The following LINGO2 variants were observed in gnomAD, a reference collection of about 807,000 sequenced individuals.
LINGO2 encodes the protein leucine rich repeat and Ig domain containing 2.
LINGO2 carries 14 observed loss-of-function variants against 30.6 expected under a neutral mutation model. The observed-to-expected ratio is 0.46, with a 90% CI of 0.30 to 0.72. The LOEUF is 0.72. LINGO2 is among the 30% of genes least tolerant of loss of function. The pLI, the probability that LINGO2 is intolerant of heterozygous loss-of-function variation, is 0.07. For synonymous variants in LINGO2, 317 were observed against 288.5 expected, an observed-to-expected ratio of 1.10 and a Z score of -1.00; for missense variants, 729 against 751.7, an observed-to-expected ratio of 0.97 and a Z score of 0.35.
intron 4 of LINGO2, among the ~76,000 whole-genome samples, chr9:28,267,190 C>G (rs563742897): frequency 1.3e-5 from 2 of 152,096 alleles, no homozygotes; most frequent in East Asian, 3.9e-4. Context: ...TTAAAATACT[C>G]CAGAACAATG....
the LINGO2 span, among the ~76,000 whole-genome samples, chr9:28,883,628 G>GTGTATGTATA: frequency 4.1e-4 from 26 of 64,174 alleles, no homozygotes; most frequent in South Asian, 1.3e-3. Context: ...ATGTGTGTGT[G>GTGTATGTATA]TATATATATA....
chr9:28,163,258 T>C (rs1207348608), intron 4 of LINGO2, among the ~76,000 whole-genome samples: 1 of 152,070 alleles, frequency 6.6e-6, no homozygotes, highest in African/African-American at 2.4e-5. Context: ...AAAGAAGGTA[T>C]CAATCGAATC....
At chr9:28,883,616 A>ATGTGTG in the LINGO2 span, among the ~76,000 whole-genome samples, 2 of 16,974 alleles carry the variant, frequency 1.2e-4, no homozygotes, top group African/African-American at 2.4e-4. Context: ...TATATATAAA[A>ATGTGTG]TATGTGTGTG....
intron 2 of LINGO2, among the ~76,000 whole-genome samples, chr9:28,426,582 A>C (rs1039921355): frequency 6.6e-6 from 1 of 152,030 alleles, no homozygotes; most frequent in African/African-American, 2.4e-5. Flanking sequence ...TACCAATAGA[A>C]GTTTTTAAAT....
At chr9:28,621,351 T>C (rs1216543056) in intron 1 of LINGO2, among the ~76,000 whole-genome samples, 2 of 151,896 alleles carry the variant, frequency 1.3e-5, no homozygotes, top group Non-Finnish European at 2.9e-5. Context: ...AGTCATACCA[T>C]AACAAGATAC....
chr9:29,026,925 C>G, the LINGO2 span, among the ~76,000 whole-genome samples: 1 of 150,016 alleles, frequency 6.7e-6, no homozygotes, highest in Admixed American at 6.7e-5. Flanking sequence ...AATTCCATTA[C>G]TTAGGATAAA....
At chr9:28,374,365 A>C (rs1297500365) in intron 2 of LINGO2, among the ~76,000 whole-genome samples, 1 of 151,990 alleles carries the variant, frequency 6.6e-6, no homozygotes, top group African/African-American at 2.4e-5. Context: ...AAGTGTTTAT[A>C]ATATTTTTTT....
At chr9:28,310,044 C>T (rs1033101929) in intron 3 of LINGO2, among the ~76,000 whole-genome samples, 2 of 152,062 alleles carry the variant, frequency 1.3e-5, no homozygotes, top group African/African-American at 2.4e-5. Flanking sequence ...AACTTTTATA[C>T]AGTGCTGGTA....
intron 1 of LINGO2, among the ~76,000 whole-genome samples, chr9:28,625,107 A>G (rs1826600654): frequency 6.6e-6 from 1 of 152,044 alleles, no homozygotes; most frequent in Admixed American, 6.6e-5. Context: ...CTAGGACCCC[A>G]GAGCCCTTTA....
intron 5 of LINGO2, among the ~76,000 whole-genome samples, chr9:28,007,211 T>C (rs780129368): frequency 6.6e-6 from 1 of 152,196 alleles, no homozygotes; most frequent in Non-Finnish European, 1.5e-5. Context: ...GTAAGTTCTA[T>C]AGTCTCTTGT....
At chr9:28,554,068 G>C (rs916146049) in intron 1 of LINGO2, among the ~76,000 whole-genome samples, 1 of 151,926 alleles carries the variant, frequency 6.6e-6, no homozygotes. Context: ...AGAACATCGA[G>C]ACTAGGAAGA....
At chr9:28,808,379 T>C in the LINGO2 span, among the ~76,000 whole-genome samples, 2 of 152,230 alleles carry the variant, frequency 1.3e-5, no homozygotes, top group South Asian at 4.1e-4. Flanking sequence ...CTTTTTTTGT[T>C]TTCAATGACA....
intron 4 of LINGO2, among the ~76,000 whole-genome samples, chr9:28,055,684 G>A (rs1211244685): frequency 1.3e-5 from 2 of 152,088 alleles, no homozygotes; most frequent in African/African-American, 2.4e-5. Flanking sequence ...AAAACAAAAT[G>A]CTTCTTTGTT....
chr9:28,160,281 G>A (rs1393751667), intron 4 of LINGO2, among the ~76,000 whole-genome samples: 1 of 152,160 alleles, frequency 6.6e-6, no homozygotes, highest in Non-Finnish European at 1.5e-5. Context: ...TTGAGAAAGA[G>A]CCTGAGCTTG....
At chr9:28,555,581 G>T (rs1401900456) in intron 1 of LINGO2, among the ~76,000 whole-genome samples, 1 of 152,032 alleles carries the variant, frequency 6.6e-6, no homozygotes, top group African/African-American at 2.4e-5. Flanking sequence ...AGGAGGAACT[G>T]GTACCATTCC....
the LINGO2 span, among the ~76,000 whole-genome samples, chr9:28,936,163 A>C: frequency 1.3e-5 from 2 of 152,216 alleles, no homozygotes; most frequent in Non-Finnish European, 2.9e-5. Context: ...AAACTCAATG[A>C]AGTCATAAGG....
chr9:29,072,065 G>A, the LINGO2 span, among the ~76,000 whole-genome samples: 2 of 152,072 alleles, frequency 1.3e-5, no homozygotes, highest in Admixed American at 6.6e-5. Flanking sequence ...TCAGTTTAAA[G>A]CCCTGTGCCT....
the LINGO2 span, among the ~76,000 whole-genome samples, chr9:28,834,893 A>T: frequency 1.3e-5 from 2 of 152,222 alleles, no homozygotes; most frequent in Non-Finnish European, 2.9e-5. Flanking sequence ...AAAGAGGAAA[A>T]AAACCATGTC....
chr9:29,086,567 G>A, the LINGO2 span, among the ~76,000 whole-genome samples: 25 of 152,126 alleles, frequency 1.6e-4, no homozygotes, highest in African/African-American at 5.3e-4. Context: ...ATGTTTCTAC[G>A]TAAAGTCTAT....
Sources: allele counts gnomAD v4.1 joint callset (sites outside exome capture counted in the v4.1 genomes callset), GRCh38; gene constraint gnomAD v4.1.1; transcripts MANE v1.5; gene names NCBI Gene and HGNC (gene_info 2026-07-23, HGNC 2026-07-21).